Variants in PRKAR1A observed in about 807,000 individuals in gnomAD.
The protein encoded by PRKAR1A is protein kinase cAMP-dependent type I regulatory subunit alpha, also known as cAMP-dependent protein kinase type I-alpha regulatory subunit.
Under a neutral mutation model 52.0 loss-of-function variants are expected in PRKAR1A, and 3 were observed. That is an observed-to-expected ratio of 0.06 (90% CI 0.03 to 0.15). The LOEUF (loss-of-function observed/expected upper bound fraction) is 0.15. Ranked by LOEUF, PRKAR1A falls within the 10% of genes least tolerant of loss-of-function variation. The pLI, the probability that PRKAR1A is intolerant of heterozygous loss-of-function variation, is 1.00. For synonymous variants in PRKAR1A, 188 were observed against 168.4 expected (o/e 1.12, Z -0.90); for missense variants, 240 against 477.4 (o/e 0.50, Z 4.63).
upstream of PRKAR1A, chr17:68,512,349 A>C (rs966402840): frequency 1.3e-4 from 20 of 152,932 alleles, no homozygotes; most frequent in African/African-American, 4.3e-4. Context: ...TAAGGTTGCT[A>C]AGGCGACGGT....
the PRKAR1A span, among the ~76,000 whole-genome samples, chr17:68,471,461 A>G: frequency 6.6e-6 from 1 of 152,188 alleles, no homozygotes; most frequent in Non-Finnish European, 1.5e-5. Context: ...GATGTGTGGT[A>G]TGGACAGAAA....
chr17:68,470,237 G>A, the PRKAR1A span, among the ~76,000 whole-genome samples: 13 of 152,138 alleles, frequency 8.5e-5, no homozygotes, highest in African/African-American at 3.1e-4. Context: ...GCGTGCCACC[G>A]CACCTGACTA....
intron 11 of PRKAR1A, among the ~76,000 whole-genome samples, chr17:68,545,561 C>T (rs1280092113): frequency 6.6e-6 from 1 of 152,198 alleles, no homozygotes; most frequent in Non-Finnish European, 1.5e-5. Flanking sequence ...AATCTTTTTG[C>T]TGACTGACTG....
At chr17:68,475,259 C>T in the PRKAR1A span, among the ~76,000 whole-genome samples, 1 of 152,176 alleles carries the variant, frequency 6.6e-6, no homozygotes, top group East Asian at 1.9e-4. Flanking sequence ...GAAAGAATTT[C>T]CTTGGCATCA....
intron 11 of PRKAR1A, chr17:68,543,828 T>A: frequency 1.0e-6 from 1 of 963,840 alleles, no homozygotes; most frequent in Non-Finnish European, 1.7e-6. Flanking sequence ...CTTTTATGCT[T>A]TTCATGTACA....
At chr17:68,450,447 T>C in the PRKAR1A span, among the ~76,000 whole-genome samples, 1 of 152,082 alleles carries the variant, frequency 6.6e-6, no homozygotes, top group African/African-American at 2.4e-5. Context: ...CTCTGACCCA[T>C]CCCTGCGGTG....
Position 68,523,711 on chromosome 17 carries a change from C to T in PRKAR1A, c.349-14C>T, listed in dbSNP as rs2085690543. On this transcript the variant is annotated splice_polypyrimidine_tract_variant and intron_variant, in intron 3 of 10. Transcript: ENST00000589228. ...GTTTATGGAATTGTCATTTGACCTT[C>T]AGTTCTTTTCTAGGTTATACCAAAA... The T allele has an allele frequency of 2.5e-6, 4 of 1,592,370 alleles. No homozygotes were observed. Among genetic ancestry groups the T allele is most frequent in the Non-Finnish European group, 3.4e-6 (4 of 1,165,226 alleles).
At chr17:68,548,789 G>T (rs2086693056) in intron 11 of PRKAR1A, among the ~76,000 whole-genome samples, 1 of 133,696 alleles carries the variant, frequency 7.5e-6, no homozygotes, top group Non-Finnish European at 1.5e-5. Context: ...CTGGAGTGCA[G>T]TGGCTCGATC....
At chr17:68,453,091 G>GA in the PRKAR1A span, 1 of 896,986 alleles carries the variant, frequency 1.1e-6, no homozygotes, top group Non-Finnish European at 1.8e-6. Context: ...CAGGGGTACA[G>GA]TAAACAAGCA....
chr17:68,478,925 A>G, the PRKAR1A span, among the ~76,000 whole-genome samples: 2 of 152,166 alleles, frequency 1.3e-5, no homozygotes, highest in South Asian at 2.1e-4. Flanking sequence ...ACGGGGTTTC[A>G]CCATGTTGGT....
At chr17:68,541,131 TC>T (rs1406265612) in intron 11 of PRKAR1A, 1 of 880,258 alleles carries the variant, frequency 1.1e-6, no homozygotes, top group Non-Finnish European at 1.7e-6. Context: ...GGCTGCATAT[TC>T]CGTGTGGTGA....
At chr17:68,437,947 TTAAAAAAAAAA>T in the PRKAR1A span, among the ~76,000 whole-genome samples, 3 of 58,810 alleles carry the variant, frequency 5.1e-5, no homozygotes, top group South Asian at 1.3e-3. Flanking sequence ...GACATCTCTC[TTAAAAAAAAAA>T]AAAAAAAAAA....
the PRKAR1A span, among the ~76,000 whole-genome samples, chr17:68,456,595 T>A: frequency 1.3e-5 from 2 of 152,242 alleles, no homozygotes; most frequent in East Asian, 3.9e-4. Flanking sequence ...AATGTGAACA[T>A]CGAAGTAAAA....
Position 68,524,013 on chromosome 17 carries a change from C to T in PRKAR1A, c.441-3C>T, listed in dbSNP as rs2143293046. On this transcript the variant is annotated splice_polypyrimidine_tract_variant and splice_region_variant and intron_variant, in intron 4 of 10. Transcript: ENST00000589228. ...GTAACACGAGGCCTTCTCTCTTTTG[C>T]AGTGATATTTTTGATGCCATGTTTT... 6.2e-7 allele frequency: 1 copy of T among 1,613,944 alleles called. No homozygotes were observed. The highest frequency in any genetic ancestry group is 1.3e-5 in the African/African-American group (1 of 74,998).
chr17:68,509,771 T>A (rs1348228014), upstream of PRKAR1A, among the ~76,000 whole-genome samples: 2 of 152,216 alleles, frequency 1.3e-5, no homozygotes, highest in Non-Finnish European at 2.9e-5. Flanking sequence ...CGGGCTCAAC[T>A]GTCTACTGCC....
chr17:68,525,976 T>G (rs1052348499), intron 7 of PRKAR1A, 64 bp downstream of exon 7: 5 of 1,549,160 alleles, frequency 3.2e-6, no homozygotes, highest in Non-Finnish European at 4.4e-6. Context: ...AATGTTTGAA[T>G]ATTACCAAAT....
the PRKAR1A span, among the ~76,000 whole-genome samples, chr17:68,498,495 C>A: frequency 6.6e-6 from 1 of 152,100 alleles, no homozygotes; most frequent in Non-Finnish European, 1.5e-5. Flanking sequence ...AGGATGTGAA[C>A]CCAGGGAGAT....
At chr17:68,534,843 G>C (rs2086059662), downstream of PRKAR1A, among the ~76,000 whole-genome samples, 1 of 152,070 alleles carries the variant, frequency 6.6e-6, no homozygotes. Context: ...TGTATTGATC[G>C]GTCAATAAAA....
the PRKAR1A span, among the ~76,000 whole-genome samples, chr17:68,469,719 T>A: frequency 6.6e-5 from 10 of 152,180 alleles, no homozygotes; most frequent in Admixed American, 4.6e-4. Context: ...TTTACACTCT[T>A]AAAAATTATT....
Sources: gnomAD v4.1 joint callset for allele counts (sites outside exome capture counted in the v4.1 genomes callset) on GRCh38, gnomAD v4.1.1 for gene constraint, MANE v1.5 for transcripts, NCBI Gene and HGNC (gene_info 2026-07-23, HGNC 2026-07-21) for gene names.